RNF121: variants seen among roughly 807,000 people sequenced by gnomAD.
RNF121 encodes E3 ubiquitin ligase RNF121.
In RNF121, 21 loss-of-function variants were observed where a neutral mutation model predicts 46.5. The observed-to-expected ratio is 0.45, with a 90% CI of 0.32 to 0.65. The LOEUF (loss-of-function observed/expected upper bound fraction) is 0.65, where lower values mean the gene tolerates loss of function less well. Ranked by LOEUF, RNF121 falls within the 30% of genes least tolerant of loss-of-function variation. The pLI is 0.04. For synonymous variants in RNF121, 139 were observed against 144.7 expected, an observed-to-expected ratio of 0.96 and a Z score of 0.28; for missense variants, 346 against 416.0, an observed-to-expected ratio of 0.83 and a Z score of 1.46.
chr11:71,959,936 T>C (rs1954090549), intron 2 of RNF121, among the ~76,000 whole-genome samples: 1 of 152,130 alleles, frequency 6.6e-6, no homozygotes, highest in Non-Finnish European at 1.5e-5. Context: ...GCGCCCGGCC[T>C]CTAATTCCTT....
intron 3 of RNF121, among the ~76,000 whole-genome samples, chr11:71,967,828 TGTAA>T (rs1252038454): frequency 6.6e-6 from 1 of 152,314 alleles, no homozygotes; most frequent in African/African-American, 2.4e-5. Context: ...AAGTATTATA[TGTAA>T]GTATTATTCA....
intron 1 of RNF121, among the ~76,000 whole-genome samples, chr11:71,947,705 C>T (rs1242149568): frequency 6.6e-6 from 1 of 152,174 alleles, no homozygotes; most frequent in Non-Finnish European, 1.5e-5. Context: ...TGAACTTTAA[C>T]CCCAAGGCAA....
chr11:71,958,617 T>G (rs1220388747), intron 2 of RNF121, among the ~76,000 whole-genome samples: 1 of 152,094 alleles, frequency 6.6e-6, no homozygotes, highest in Non-Finnish European at 1.5e-5. Context: ...TCCCAGCACT[T>G]TGGGAGGCCA....
intron 4 of RNF121, among the ~76,000 whole-genome samples, chr11:71,986,093 A>G (rs936021004): frequency 1.3e-5 from 2 of 152,018 alleles, no homozygotes; most frequent in Non-Finnish European, 2.9e-5. Flanking sequence ...CTACTTCACC[A>G]CCACCACACA....
intron 1 of RNF121, among the ~76,000 whole-genome samples, chr11:71,954,732 T>G (rs984480734): frequency 6.6e-6 from 1 of 152,182 alleles, no homozygotes; most frequent in African/African-American, 2.4e-5. Context: ...CCTCATTGGA[T>G]TTGGTTTCTT....
chr11:71,984,801 A>G (rs552251322), intron 4 of RNF121, among the ~76,000 whole-genome samples: 80 of 121,480 alleles, frequency 6.6e-4, no homozygotes, highest in African/African-American at 2.4e-3. Flanking sequence ...GGGTTTCACC[A>G]TGTTGGCCAG....
chr11:71,951,571 T>C (rs1479409056), intron 1 of RNF121, among the ~76,000 whole-genome samples: 1 of 151,056 alleles, frequency 6.6e-6, no homozygotes. Flanking sequence ...GGCTCTAATG[T>C]ACAATGATCA....
rs540797314 is a variant in RNF121 at position 71,942,808 on chromosome 11, AC to A, written c.63+13685del. Among the ~76,000 whole-genome samples the A allele has an allele frequency of 3.7e-3, 550 of 149,572 alleles. 5 individuals carry two copies. Among genetic ancestry groups the A allele is most frequent in the African/African-American group, 0.012 (478 of 40,684 alleles). On this transcript the variant is annotated intron_variant, in intron 1 of 8. Transcript: ENST00000361756. Reference sequence around the variant, plus strand: ...TATATATAGATATATATATGTACACACACACACACACACACATATATATGTA... The same window carrying A: ...TATATATAGATATATATATGTACACAACACACACACACACATATATATGTA...
chr11:71,951,444 G>C (rs1042533901), intron 1 of RNF121, among the ~76,000 whole-genome samples: 1 of 151,898 alleles, frequency 6.6e-6, no homozygotes, highest in African/African-American at 2.4e-5. Flanking sequence ...CCCTGCAGAG[G>C]GTAGTCCTCT....
chr11:71,995,095 A>G (rs1444066547), intron 7 of RNF121, among the ~76,000 whole-genome samples: 2 of 152,240 alleles, frequency 1.3e-5, no homozygotes, highest in African/African-American at 4.8e-5. Context: ...CTGTGCTAGC[A>G]GACCTGAGAT....
At chr11:71,945,669 G>A (rs1212452578) in intron 1 of RNF121, among the ~76,000 whole-genome samples, 4 of 152,120 alleles carry the variant, frequency 2.6e-5, no homozygotes, top group African/African-American at 7.2e-5. Flanking sequence ...AGAAGAATAC[G>A]ACTCAAATGA....
At chr11:71,963,816 T>C (rs1294034574) in intron 3 of RNF121, among the ~76,000 whole-genome samples, 1 of 152,202 alleles carries the variant, frequency 6.6e-6, no homozygotes, top group South Asian at 2.1e-4. Flanking sequence ...CAGAAATCAA[T>C]TGATCAAAGA....
intron 3 of RNF121, among the ~76,000 whole-genome samples, chr11:71,967,755 G>A (rs1010492770): frequency 1.1e-4 from 16 of 151,782 alleles, no homozygotes; most frequent in Non-Finnish European, 1.5e-5. Flanking sequence ...ACCTATACCC[G>A]TTACATACTA....
intron 3 of RNF121, among the ~76,000 whole-genome samples, chr11:71,965,169 C>T (rs1043008520): frequency 6.6e-6 from 1 of 151,896 alleles, no homozygotes; most frequent in African/African-American, 2.4e-5. Context: ...TTAGGTTCTG[C>T]GGCATTTTTC....
intron 3 of RNF121, among the ~76,000 whole-genome samples, chr11:71,965,520 A>G (rs143005474): frequency 0.019 from 2,854 of 152,252 alleles, 89 homozygotes; most frequent in African/African-American, 0.065. Context: ...TGCTGGGATT[A>G]TAGGAGTGAG....
rs368693196 is a variant in RNF121, at chr11:71,929,066, C to T, written c.5C>T (p.Ala2Val). M[A>V]AVVEVEVGGG... ...GTGAGGGGGCGAGCCGTGAAGATGG[C>T]GGCAGTGGTGGAGGTGGAGGTTGGA... The change falls in exon 1 of 9, where the codon GCG becomes GTG. Residue 2 changes from alanine to valine, a missense_variant. Ala to Val is a moderately conservative substitution (Grantham distance 64). Around this residue, in one of 2 missense-constraint regions of RNF121, gnomAD observed 60 missense variants for 32.2 expected, o/e 1.86. Coordinates refer to ENST00000361756, the MANE Select transcript of RNF121 (RefSeq NM_018320.5). The T allele has an allele frequency of 1.7e-5, 26 of 1,551,116 alleles. No homozygotes were observed. The highest frequency in any genetic ancestry group is 2.1e-5 in the Non-Finnish European group (24 of 1,146,980).
At chr11:71,988,779 G>T (rs1355807319) in intron 5 of RNF121, among the ~76,000 whole-genome samples, 2 of 152,102 alleles carry the variant, frequency 1.3e-5, no homozygotes, top group Non-Finnish European at 2.9e-5. Flanking sequence ...CTATGATTGT[G>T]CCACTGCACT....
At chr11:71,959,401 C>T (rs1954073550) in intron 2 of RNF121, among the ~76,000 whole-genome samples, 1 of 152,102 alleles carries the variant, frequency 6.6e-6, no homozygotes, top group South Asian at 2.1e-4. Context: ...ATAATTCATC[C>T]TTCTGGGTTA....
chr11:71,978,115 G>T (rs754087992), intron 3 of RNF121: 7 of 416,838 alleles, frequency 1.7e-5, no homozygotes, highest in Non-Finnish European at 2.9e-5. Flanking sequence ...TGCCCAGGCT[G>T]GTCTCAAGCT....
Sources: allele counts gnomAD v4.1 joint callset (sites outside exome capture counted in the v4.1 genomes callset), GRCh38; gene constraint gnomAD v4.1.1; regional missense constraint gnomAD v4.1.1; transcripts MANE v1.5; gene names NCBI Gene and HGNC (gene_info 2026-07-23, HGNC 2026-07-21).